Variants in SLC44A5 observed in about 807,000 individuals in gnomAD.
SLC44A5 encodes the protein solute carrier family 44 member 5.
SLC44A5 carries 57 observed loss-of-function variants against 101.8 expected under a neutral mutation model. The observed-to-expected ratio is 0.56, with a 90% CI of 0.45 to 0.70. SLC44A5 has a LOEUF of 0.70. Among genes scored for constraint, SLC44A5 ranks in the 30% least tolerant of loss-of-function variants. The pLI is 0.00. For synonymous variants in SLC44A5, 281 were observed against 290.9 expected (o/e 0.97, Z 0.35); for missense variants, 737 against 853.1 (o/e 0.86, Z 1.70).
chr1:75,562,391 A>G (rs1672565906), intron 1 of SLC44A5, among the ~76,000 whole-genome samples: 1 of 152,140 alleles, frequency 6.6e-6, no homozygotes, highest in African/African-American at 2.4e-5. Flanking sequence ...ATTTTAAAGA[A>G]ATTGCTAAGA....
At chr1:75,507,208 T>C (rs1367218821) in intron 2 of SLC44A5, among the ~76,000 whole-genome samples, 1 of 152,166 alleles carries the variant, frequency 6.6e-6, no homozygotes, top group Admixed American at 6.5e-5. Context: ...GCTAATTATT[T>C]TGAGATACAT....
the SLC44A5 span, among the ~76,000 whole-genome samples, chr1:75,662,905 C>T: frequency 6.6e-6 from 1 of 152,106 alleles, no homozygotes; most frequent in Non-Finnish European, 1.5e-5. Context: ...TCAAAACAAA[C>T]TCTCCAGCTG....
the SLC44A5 span, among the ~76,000 whole-genome samples, chr1:75,722,462 G>A: frequency 6.6e-6 from 1 of 152,176 alleles, no homozygotes; most frequent in Non-Finnish European, 1.5e-5. Context: ...GAACGTTGGC[G>A]AACTGACAAA....
the SLC44A5 span, among the ~76,000 whole-genome samples, chr1:75,666,266 A>G: frequency 2.6e-5 from 4 of 152,232 alleles, no homozygotes; most frequent in Admixed American, 6.5e-5. Flanking sequence ...TGGTATAAAA[A>G]ATATGAATTA....
At position 75,457,863 on chromosome 1, in the gene SLC44A5, A is replaced by T. The variant is rs987863722; in HGVS notation, c.14-61242T>A. Among the ~76,000 whole-genome samples, 10 of 152,206 alleles carry T rather than the reference A, an allele frequency of 6.6e-5. No individual in the cohort carries two copies. In the South Asian group the frequency reaches 8.3e-4, roughly 13 times the overall value. The stretch of plus-strand genomic sequence containing the variant: ...CAGAGTGAGACTCCATCTCAAAAAA[A>T]AAAAAAAGTTCACTGAGGTGGAACA... On this transcript the variant is annotated intron_variant, in intron 2 of 23. Transcript: ENST00000370859.
the SLC44A5 span, among the ~76,000 whole-genome samples, chr1:75,682,843 C>T: frequency 9.1e-3 from 1,378 of 152,144 alleles, 21 homozygotes; most frequent in African/African-American, 0.032. Flanking sequence ...AGAAAATTTT[C>T]GCAACCTACT....
the SLC44A5 span, among the ~76,000 whole-genome samples, chr1:75,674,371 A>T: frequency 2.7e-5 from 4 of 150,218 alleles, no homozygotes; most frequent in Non-Finnish European, 5.9e-5. Context: ...CAGAGGAGAC[A>T]AAAGAAAAAA....
intron 1 of SLC44A5, among the ~76,000 whole-genome samples, chr1:75,585,263 T>A (rs906500051): frequency 6.6e-6 from 1 of 152,230 alleles, no homozygotes; most frequent in Non-Finnish European, 1.5e-5. Flanking sequence ...GTAGATCACA[T>A]AAACTGAATT....
chr1:75,707,739 T>C, the SLC44A5 span, among the ~76,000 whole-genome samples: 1 of 152,150 alleles, frequency 6.6e-6, no homozygotes, highest in African/African-American at 2.4e-5. Flanking sequence ...GTAAAGGGTT[T>C]CCAAATATAT....
intron 1 of SLC44A5, among the ~76,000 whole-genome samples, chr1:75,556,665 A>T (rs375786409): frequency 5.3e-4 from 80 of 152,318 alleles, no homozygotes; most frequent in African/African-American, 1.9e-3. Context: ...ACTTCAGGGC[A>T]TAAACAAACA....
intron 1 of SLC44A5, among the ~76,000 whole-genome samples, chr1:75,574,953 G>A (rs535740369): frequency 8.5e-5 from 13 of 152,164 alleles, no homozygotes; most frequent in Admixed American, 8.5e-4. Context: ...AATAAACAAG[G>A]ACAATGAAGA....
At chr1:75,563,444 C>T (rs1246917454) in intron 1 of SLC44A5, among the ~76,000 whole-genome samples, 4 of 151,924 alleles carry the variant, frequency 2.6e-5, no homozygotes, top group African/African-American at 9.7e-5. Flanking sequence ...ACATACTCTG[C>T]ATGCCAAAAT....
intron 6 of SLC44A5, among the ~76,000 whole-genome samples, chr1:75,256,035 G>C (rs546983381): frequency 6.6e-6 from 1 of 152,118 alleles, no homozygotes; most frequent in Non-Finnish European, 1.5e-5. Context: ...CATGAAAACA[G>C]GTGGGTCAAC....
intron 2 of SLC44A5, among the ~76,000 whole-genome samples, chr1:75,526,862 CG>C (rs1236466830): frequency 1.3e-5 from 2 of 152,062 alleles, no homozygotes; most frequent in Admixed American, 1.3e-4. Context: ...AGGCTGGGTG[CG>C]GTGGCTCACA....
chr1:75,414,559 T>C (rs894910864), intron 2 of SLC44A5, among the ~76,000 whole-genome samples: 1 of 152,126 alleles, frequency 6.6e-6, no homozygotes, highest in East Asian at 1.9e-4. Context: ...CAGTAAATTG[T>C]TGAATTAAAG....
intron 2 of SLC44A5, among the ~76,000 whole-genome samples, chr1:75,465,420 C>A (rs1304154755): frequency 6.6e-6 from 1 of 151,780 alleles, no homozygotes; most frequent in Non-Finnish European, 1.5e-5. Context: ...CTCATACATA[C>A]CTACCCAAAA....
intron 4 of SLC44A5, among the ~76,000 whole-genome samples, chr1:75,326,590 C>T (rs1213194016): frequency 3.3e-5 from 5 of 152,104 alleles, no homozygotes; most frequent in Admixed American, 1.3e-4. Flanking sequence ...ATTATAATAA[C>T]CTAGTTTAGG....
intron 4 of SLC44A5, among the ~76,000 whole-genome samples, chr1:75,316,064 C>A (rs903009979): frequency 1.3e-5 from 2 of 152,208 alleles, no homozygotes; most frequent in Non-Finnish European, 2.9e-5. Flanking sequence ...TTATACAATA[C>A]ATAACTTGAC....
intron 2 of SLC44A5, among the ~76,000 whole-genome samples, chr1:75,535,071 C>CTTT (rs34439007): frequency 7.2e-6 from 1 of 139,776 alleles, no homozygotes; most frequent in African/African-American, 2.6e-5. Flanking sequence ...ATTGAAGCTG[C>CTTT]TTTTTTTTTT....
Sources: gnomAD v4.1 joint callset for allele counts (sites outside exome capture counted in the v4.1 genomes callset) on GRCh38, gnomAD v4.1.1 for gene constraint, MANE v1.5 for transcripts, NCBI Gene and HGNC (gene_info 2026-07-23, HGNC 2026-07-21) for gene names.